PCSK2: variants seen among roughly 807,000 people sequenced by gnomAD.
The protein encoded by PCSK2 is proprotein convertase subtilisin/kexin type 2, also known as neuroendocrine convertase 2.
A neutral mutation model predicts 69.7 loss-of-function variants in PCSK2; 14 were observed. The ratio of observed to expected loss-of-function variants is 0.20; its 90% CI spans 0.13 to 0.31. The LOEUF (loss-of-function observed/expected upper bound fraction) is 0.31. PCSK2 is among the 10% of genes least tolerant of loss of function. The pLI is 1.00. For missense variants in PCSK2, 544 were observed against 842.5 expected, an observed-to-expected ratio of 0.65 and a Z score of 4.39; for synonymous variants, 307 against 320.7, an observed-to-expected ratio of 0.96 and a Z score of 0.46.
chr20:17,471,587 G>T (rs913797808), intron 11 of PCSK2, among the ~76,000 whole-genome samples: 1 of 152,224 alleles, frequency 6.6e-6, no homozygotes, highest in Non-Finnish European at 1.5e-5. Flanking sequence ...CTGGCAATAG[G>T]ACCGGCGGGC....
chr20:17,456,606 T>C (rs1202602917), intron 10 of PCSK2, among the ~76,000 whole-genome samples, 158 bp downstream of exon 10: 1 of 152,218 alleles, frequency 6.6e-6, no homozygotes, highest in Non-Finnish European at 1.5e-5. Context: ...AAGTGGCCCA[T>C]GTGCCCACCA....
At chr20:17,471,074 A>G (rs1376629357) in intron 11 of PCSK2, among the ~76,000 whole-genome samples, 2 of 152,158 alleles carry the variant, frequency 1.3e-5, no homozygotes, top group Non-Finnish European at 2.9e-5. Flanking sequence ...ACTTCTAATG[A>G]TCGTCAAGCA....
chr20:17,365,757 C>T (rs946474674), intron 4 of PCSK2, among the ~76,000 whole-genome samples: 3 of 152,190 alleles, frequency 2.0e-5, no homozygotes, highest in Admixed American at 1.3e-4. Context: ...AGTAACAGGT[C>T]TCAAGTAAGT....
chr20:17,307,982 T>A (rs533785868), intron 2 of PCSK2, among the ~76,000 whole-genome samples: 1 of 152,102 alleles, frequency 6.6e-6, no homozygotes, highest in African/African-American at 2.4e-5. Context: ...AGAGCAGGCA[T>A]CTTCCATGGC....
At chr20:17,232,621 C>A (rs540540994) in intron 1 of PCSK2, among the ~76,000 whole-genome samples, 1 of 152,152 alleles carries the variant, frequency 6.6e-6, no homozygotes, top group African/African-American at 2.4e-5. Context: ...ATATTTGATA[C>A]CACCCATTTA....
intron 3 of PCSK2, 109 bp downstream of exon 3, chr20:17,358,549 G>C (rs1273589935): frequency 3.0e-6 from 2 of 669,530 alleles, no homozygotes; most frequent in Non-Finnish European, 5.4e-6. Context: ...ATCCAACCCA[G>C]TGACCCTCTC....
chr20:17,436,108 T>C (rs1600578196), intron 7 of PCSK2, among the ~76,000 whole-genome samples: 1 of 152,130 alleles, frequency 6.6e-6, no homozygotes, highest in Admixed American at 6.5e-5. Flanking sequence ...GAGGCAGCCG[T>C]CAGACACAGA....
intron 4 of PCSK2, among the ~76,000 whole-genome samples, chr20:17,360,955 T>C (rs906485782): frequency 6.6e-5 from 10 of 152,234 alleles, no homozygotes; most frequent in African/African-American, 2.4e-4. Context: ...CTAAACTCTT[T>C]ATATTCACCA....
intron 1 of PCSK2, among the ~76,000 whole-genome samples, chr20:17,233,716 G>T (rs779806236): frequency 6.6e-6 from 1 of 152,092 alleles, no homozygotes; most frequent in African/African-American, 2.4e-5. Context: ...AGCAAAAGAC[G>T]CCTGTAACAG....
At chr20:17,298,594 C>G (rs908849225) in intron 2 of PCSK2, among the ~76,000 whole-genome samples, 8 of 152,138 alleles carry the variant, frequency 5.3e-5, no homozygotes, top group African/African-American at 1.4e-4. Context: ...GTTAATATTA[C>G]TCATTGTATT....
Position 17,271,472 on chromosome 20 carries a change from A to G in PCSK2, c.282+11128A>G, listed in dbSNP as rs1187637485. ...TAGTCAATCAGTGTATCCAACAGGG[A>G]TAACAAGCTTGATGCCTACACAGGC... On this transcript the variant is annotated intron_variant, in intron 2 of 11. Coordinates refer to ENST00000262545, the MANE Select transcript of PCSK2 (RefSeq NM_002594.5). Among the ~76,000 whole-genome samples, 6 of 152,218 alleles carry G rather than the reference A, an allele frequency of 3.9e-5. No homozygotes were observed. The East Asian group carries it at 9.7e-4, about 25-fold the overall frequency.
intron 2 of PCSK2, among the ~76,000 whole-genome samples, chr20:17,338,172 G>GA (rs1390187229): frequency 2.2e-5 from 1 of 44,790 alleles, no homozygotes; most frequent in African/African-American, 5.4e-5. Flanking sequence ...CATTTTTTTT[G>GA]GGGGGGGGGG....
At chr20:17,390,630 A>G (rs1383649080) in intron 5 of PCSK2, among the ~76,000 whole-genome samples, 2 of 152,194 alleles carry the variant, frequency 1.3e-5, no homozygotes, top group African/African-American at 2.4e-5. Context: ...CAATCGCTGT[A>G]CACTCTAAAA....
chr20:17,418,762 G>A lies in PCSK2; in HGVS notation c.620+9423G>A, dbSNP rs533808408. 2.0e-5 allele frequency among the ~76,000 whole-genome samples: 3 copies of A among 152,256 alleles called. No individual in the cohort carries two copies. In the South Asian group the frequency reaches 6.2e-4, roughly 32 times the overall value. Reference sequence around the variant, plus strand: ...CCCACAGGTTCTTCAGGTGTTTTCTGGGCATAGGCACCAAATCCGATGCCC... The same window carrying A: ...CCCACAGGTTCTTCAGGTGTTTTCTAGGCATAGGCACCAAATCCGATGCCC... On this transcript the variant is annotated intron_variant, in intron 6 of 11. Transcript: ENST00000262545.
At chr20:17,303,367 A>G (rs1989158134) in intron 2 of PCSK2, among the ~76,000 whole-genome samples, 2 of 127,202 alleles carry the variant, frequency 1.6e-5, no homozygotes, top group South Asian at 4.6e-4. Flanking sequence ...AATATATGAT[A>G]TATAATTATA....
intron 2 of PCSK2, among the ~76,000 whole-genome samples, chr20:17,317,862 G>C (rs1027371437): frequency 2.0e-5 from 3 of 152,202 alleles, no homozygotes; most frequent in African/African-American, 7.2e-5. Flanking sequence ...AAAAGATGTA[G>C]ACGCAGGAAG....
At chr20:17,421,792 G>C (rs1206547553) in intron 6 of PCSK2, among the ~76,000 whole-genome samples, 1 of 110,538 alleles carries the variant, frequency 9.0e-6, no homozygotes, top group Non-Finnish European at 1.7e-5. Flanking sequence ...CCAGTAGCCA[G>C]GAAAGGAAGA....
At chr20:17,330,317 G>T (rs780488719) in intron 2 of PCSK2, among the ~76,000 whole-genome samples, 2 of 152,106 alleles carry the variant, frequency 1.3e-5, no homozygotes, top group African/African-American at 2.4e-5. Context: ...TTCTTGGCCG[G>T]GCACAGTGGC....
chr20:17,372,271 C>T (rs2123235784), intron 5 of PCSK2, among the ~76,000 whole-genome samples: 1 of 152,106 alleles, frequency 6.6e-6, no homozygotes, highest in East Asian at 1.9e-4. Flanking sequence ...CCCAGATACT[C>T]AGGAGGCTGA....
Sources: gnomAD v4.1 joint callset for allele counts (sites outside exome capture counted in the v4.1 genomes callset) on GRCh38, gnomAD v4.1.1 for gene constraint, MANE v1.5 for transcripts, NCBI Gene and HGNC (gene_info 2026-07-23, HGNC 2026-07-21) for gene names.